Variants in ADRA1D observed in about 807,000 individuals in gnomAD.
ADRA1D encodes alpha-1D adrenergic receptor.
ADRA1D carries 22 observed loss-of-function variants against 18.6 expected under a neutral mutation model. That is an observed-to-expected ratio of 1.19 (90% CI 0.85 to 1.69). ADRA1D has a LOEUF of 1.69. Ranked by LOEUF, ADRA1D falls within the 40% of genes most tolerant of loss-of-function variation. ADRA1D has a pLI of 0.00. For synonymous variants in ADRA1D, 376 were observed against 388.2 expected (o/e 0.97, Z 0.37); for missense variants, 840 against 840.7 (o/e 1.00, Z 0.01).
chr20:4,235,714 C>T (rs1981072836), intron 1 of ADRA1D, among the ~76,000 whole-genome samples: 1 of 152,270 alleles, frequency 6.6e-6, no homozygotes, highest in Non-Finnish European at 1.5e-5. Context: ...CACTGAGCCG[C>T]CTGGGCTTTG....
chr20:4,248,014 G>C lies in ADRA1D; in HGVS notation c.944C>G (p.Ala315Gly). Residue 315 changes from alanine to glycine, a missense_variant, in exon 1 of 2, where the codon GCC becomes GGC. By Grantham distance (60) the Ala-to-Gly change is moderately conservative (BLOSUM62 0). Transcript: ENST00000379453. ...GCTGCGCATGCCGTGCGCCCCGTCG[G>C]CGCCCGTGGCCGCGCCGCGACAGTG... is the stretch of plus-strand genomic sequence containing the variant. ...RIHCRGAATG[A>G]DGAHGMRSAK... is the part of the protein sequence containing the mutation. 6.4e-7 allele frequency: 1 copy of C among 1,557,458 alleles called. No homozygotes were observed. Among genetic ancestry groups the C allele is most frequent in the Non-Finnish European group, 8.7e-7 (1 of 1,151,832 alleles).
Position 4,227,579 on chromosome 20 carries a change from A to G in ADRA1D, c.1112-5449T>C, listed in dbSNP as rs2122657889. ...TCCTGTTGGCCCCTAAGTCCCCTCGACTTTCTTTGTATCACCTTCATGTTA... is the reference window on the plus strand; with the variant it reads ...TCCTGTTGGCCCCTAAGTCCCCTCGGCTTTCTTTGTATCACCTTCATGTTA... On this transcript the variant is annotated intron_variant, in intron 1 of 1. Coordinates refer to ENST00000379453, the MANE Select transcript of ADRA1D (RefSeq NM_000678.4). Among the ~76,000 whole-genome samples the G allele has an allele frequency of 2.6e-5, 4 of 151,416 alleles. 1 individual carries two copies. The South Asian group carries it at 8.4e-4, about 32-fold the overall frequency.
At chr20:4,223,505 A>C (rs1980722631) in intron 1 of ADRA1D, among the ~76,000 whole-genome samples, 1 of 152,212 alleles carries the variant, frequency 6.6e-6, no homozygotes, top group African/African-American at 2.4e-5. Context: ...GAGGCATTAC[A>C]CATGGCCCTT....
intron 1 of ADRA1D, among the ~76,000 whole-genome samples, chr20:4,231,068 C>CTTTCTTTCTTTCTT (rs1980952003): frequency 4.4e-5 from 2 of 45,756 alleles, no homozygotes; most frequent in South Asian, 2.0e-3. Context: ...CTTTCTTTCT[C>CTTTCTTTCTTTCTT]TCTCTCTCTC....
chr20:4,245,165 G>A (rs1981306034), intron 1 of ADRA1D, among the ~76,000 whole-genome samples: 1 of 152,208 alleles, frequency 6.6e-6, no homozygotes, highest in African/African-American at 2.4e-5. Context: ...GAACAAGGAA[G>A]AGTTAGAAAA....
Position 4,221,668 on chromosome 20 carries a change from C to A in ADRA1D, c.1574G>T (p.Gly525Val), listed in dbSNP as rs150684653. The A allele has an allele frequency of 6.2e-7, 1 of 1,612,606 alleles. No homozygotes were observed. Among genetic ancestry groups the A allele is most frequent in the African/African-American group, 1.3e-5 (1 of 75,048 alleles). ...GCACGCTGCCTCTGCGCGCTGCGCG[C>A]CCCCGGCGCGGATCTTGTGCGACAG... ...SSLSHKIRAG[G>V]AQRAEAACAQ... Residue 525 changes from glycine to valine, a missense_variant, in exon 2 of 2, where the codon GGC becomes GTC. By Grantham distance (109) the Gly-to-Val change is moderately radical. Coordinates refer to ENST00000379453, the MANE Select transcript of ADRA1D (RefSeq NM_000678.4).
intron 1 of ADRA1D, among the ~76,000 whole-genome samples, chr20:4,226,941 C>G (rs997834999): frequency 1.3e-5 from 2 of 152,196 alleles, no homozygotes; most frequent in African/African-American, 4.8e-5. Context: ...CCACCTACAC[C>G]GCCCTGCACT....
intron 1 of ADRA1D, among the ~76,000 whole-genome samples, chr20:4,227,916 C>T (rs1980860721): frequency 6.9e-6 from 1 of 145,582 alleles, no homozygotes; most frequent in African/African-American, 2.4e-5. Context: ...CCCTGCAGTG[C>T]CTTTCTAAGC....
chr20:4,233,412 G>A (rs1402990467), intron 1 of ADRA1D, among the ~76,000 whole-genome samples: 1 of 152,082 alleles, frequency 6.6e-6, no homozygotes, highest in Non-Finnish European at 1.5e-5. Context: ...AATGAGCTAT[G>A]ATTGCATCAC....
intron 1 of ADRA1D, among the ~76,000 whole-genome samples, chr20:4,242,836 A>G (rs540903860): frequency 7.9e-5 from 12 of 152,066 alleles, no homozygotes; most frequent in Middle Eastern, 3.4e-3. Flanking sequence ...AGTGGTCACT[A>G]GGAGTGACAG....
In ADRA1D at chr20:4,231,352, C is replaced by G. The variant is rs1445445570; in HGVS notation, c.1112-9222G>C. 2.0e-5 allele frequency among the ~76,000 whole-genome samples: 3 copies of G among 151,692 alleles called. No individual in the cohort carries two copies. In the East Asian group the frequency reaches 5.8e-4, roughly 29 times the overall value. On this transcript the variant is annotated intron_variant, in intron 1 of 1. Coordinates refer to ENST00000379453, the MANE Select transcript of ADRA1D (RefSeq NM_000678.4). ...TAGGCTGGTCTTGAACCCCTGGCCT[C>G]AAATGATCCTCCTGCCTCAGCCTCC...
intron 1 of ADRA1D, among the ~76,000 whole-genome samples, chr20:4,228,160 C>T (rs1334176596): frequency 6.6e-6 from 1 of 152,152 alleles, no homozygotes; most frequent in African/African-American, 2.4e-5. Context: ...CTCACCAGCA[C>T]CTTAACTGTT....
chr20:4,224,817 C>T (rs1223141018), intron 1 of ADRA1D, among the ~76,000 whole-genome samples: 1 of 151,960 alleles, frequency 6.6e-6, no homozygotes, highest in Non-Finnish European at 1.5e-5. Context: ...GCACCATTCC[C>T]CTCTCTTTGA....
In ADRA1D at chr20:4,221,534, T is replaced by TC; in HGVS notation, c.1707dup (p.Thr570AspfsTer19). The TC allele has an allele frequency of 6.2e-7, 1 of 1,603,260 alleles. No homozygotes were observed. The highest frequency in any genetic ancestry group is 1.1e-5 in the South Asian group (1 of 90,720). Reference sequence around the variant, plus strand: ...TAGCTCTGGGGTCCTTAAATATCGGTCTCCCGTAGGTTGCTGTAGTCGGCC... The same window carrying TC: ...TAGCTCTGGGGTCCTTAAATATCGGTCCTCCCGTAGGTTGCTGTAGTCGGCC... On this transcript the variant is annotated frameshift_variant, in exon 2 of 2. Transcript: ENST00000379453. LOFTEE classifies it high-confidence loss of function.
intron 1 of ADRA1D, among the ~76,000 whole-genome samples, chr20:4,223,898 CAACAGGTTT>C (rs60557211): frequency 0.3 from 44,929 of 151,790 alleles, 6,988 homozygotes; most frequent in South Asian, 0.39. Flanking sequence ...TTTCAATTTA[CAACAGGTTT>C]AACAGGACAT....
At position 4,248,622 on chromosome 20, in the gene ADRA1D, T is replaced by C; in HGVS notation, c.336A>G (p.Ala112=). Residue 112 remains alanine, a synonymous_variant, in exon 1 of 2, where the codon GCA becomes GCG. Transcript: ENST00000379453. Reference sequence around the variant, plus strand: ...CTGAGAGGATGACAAGCAGGTTACCTGCCACGGCCATAAGGATGAAGGCTG... The same window carrying C: ...CTGAGAGGATGACAAGCAGGTTACCCGCCACGGCCATAAGGATGAAGGCTG... The part of the protein sequence containing the change: ...FLAAFILMAV[A]GNLLVILSVA... 2 of 1,612,892 alleles carry C rather than the reference T, an allele frequency of 1.2e-6. No homozygotes were observed. The highest frequency in any genetic ancestry group is 1.7e-5 in the Admixed American group (1 of 59,984).
chr20:4,221,926 C>G lies in ADRA1D; in HGVS notation c.1316G>C (p.Arg439Pro), dbSNP rs1026563752. Residue 439 changes from arginine (R) to proline (P), a missense_variant, in exon 2 of 2, where the codon CGG (arginine) becomes CCG (proline). Arg to Pro is a moderately radical substitution (Grantham distance 103). Coordinates refer to ENST00000379453, the MANE Select transcript of ADRA1D (RefSeq NM_000678.4). ...PLWRVYGHHW[R>P]ASTSGLRQDC... ...CTGGCGCAGGCCGCTGGTGGAGGCC[C>G]GCCAGTGGTGGCCGTAGACACGCCA... 205 of 1,532,986 alleles carry G rather than the reference C, an allele frequency of 1.3e-4. No homozygotes were observed. Among genetic ancestry groups the G allele is most frequent in the Non-Finnish European group, 1.7e-4 (189 of 1,140,944 alleles). 95.0% of individuals were successfully genotyped at this position (1,532,986 alleles called of 1,614,324 possible).
In ADRA1D at chr20:4,221,962, C is replaced by T. The variant is rs763163518; in HGVS notation, c.1280G>A (p.Arg427His). ...LRCQCRRRRR[R>H]RPLWRVYGHH... is the part of the protein sequence containing the mutation. ...GCCGTAGACACGCCAGAGAGGGCGG[C>T]GGCGCCGGCGACGACGGCACTGGCA... is the stretch of plus-strand genomic sequence containing the variant. Residue 427 changes from arginine (R) to histidine (H), a missense_variant, in exon 2 of 2, where the codon CGC (arginine) becomes CAC (histidine). By Grantham distance (29) the Arg-to-His change is conservative. Coordinates refer to ENST00000379453, the MANE Select transcript of ADRA1D (RefSeq NM_000678.4). 7.1e-6 allele frequency: 11 copies of T among 1,549,296 alleles called. No individual in the cohort carries two copies. The highest frequency in any genetic ancestry group is 6.9e-5 in the African/African-American group (5 of 72,716).
At position 4,248,446 on chromosome 20, in the gene ADRA1D, A is replaced by G; in HGVS notation, c.512T>C (p.Val171Ala). Reference sequence around the variant, plus strand: ...GCACAGCACGTCCACGGCGGCCCATACGTCGCAGAAGGCGCGGCCAAAGGC... The same window carrying G: ...GCACAGCACGTCCACGGCGGCCCATGCGTCGCAGAAGGCGCGGCCAAAGGC... Reference protein sequence around the residue: ...FWAFGRAFCDVWAAVDVLCCT... With the variant: ...FWAFGRAFCDAWAAVDVLCCT... The change falls in exon 1 of 2, where the codon GTA becomes GCA. Residue 171 changes from valine to alanine, a missense_variant. By Grantham distance (64) the Val-to-Ala change is moderately conservative. Coordinates refer to ENST00000379453, the MANE Select transcript of ADRA1D (RefSeq NM_000678.4). The G allele has an allele frequency of 6.2e-7, 1 of 1,612,346 alleles. No homozygotes were observed. The highest frequency in any genetic ancestry group is 8.5e-7 in the Non-Finnish European group (1 of 1,179,384).
Sources: gnomAD v4.1 joint callset for allele counts (sites outside exome capture counted in the v4.1 genomes callset) on GRCh38, gnomAD v4.1.1 for gene constraint, MANE v1.5 for transcripts, NCBI Gene and HGNC (gene_info 2026-07-23, HGNC 2026-07-21) for gene names.